The following RNF216 variants were observed in gnomAD, a reference collection of about 807,000 sequenced individuals.
RNF216 encodes E3 ubiquitin-protein ligase RNF216.
In RNF216, 72 loss-of-function variants were observed where a neutral mutation model predicts 110.8. That is an observed-to-expected ratio of 0.65 (90% CI 0.54 to 0.79). RNF216 has a LOEUF of 0.79. Ranked by LOEUF, RNF216 falls within the 30% of genes least tolerant of loss-of-function variation. RNF216 has a pLI of 0.00. For missense variants in RNF216, 1,342 were observed against 1,141.2 expected, an observed-to-expected ratio of 1.18 and a Z score of -2.54; for synonymous variants, 495 against 407.5, an observed-to-expected ratio of 1.21 and a Z score of -2.59.
At chr7:5,688,755 A>C (rs1343023998) in intron 13 of RNF216, among the ~76,000 whole-genome samples, 2 of 152,134 alleles carry the variant, frequency 1.3e-5, no homozygotes, top group East Asian at 1.9e-4. Flanking sequence ...GATATCTGTA[A>C]AACTGTGGGT....
intron 5 of RNF216, 81 bp downstream of exon 5, chr7:5,739,195 T>G: frequency 2.9e-6 from 4 of 1,393,490 alleles, no homozygotes; most frequent in South Asian, 3.3e-5. Flanking sequence ...TATTTAAAAA[T>G]GATTAAAATG....
intron 13 of RNF216, among the ~76,000 whole-genome samples, chr7:5,659,661 T>C (rs2128583721): frequency 6.6e-6 from 1 of 152,346 alleles, no homozygotes; most frequent in South Asian, 2.1e-4. Context: ...CAGCACCCCC[T>C]TTCTAAACTA....
At chr7:5,749,935 A>T (rs1365087894) in intron 3 of RNF216, among the ~76,000 whole-genome samples, 2 of 152,116 alleles carry the variant, frequency 1.3e-5, no homozygotes, top group Non-Finnish European at 2.9e-5. Flanking sequence ...TTTGTTTTCC[A>T]GATTTAAGGA....
chr7:5,684,232 A>C (rs970668108), intron 13 of RNF216, among the ~76,000 whole-genome samples: 1 of 150,560 alleles, frequency 6.6e-6, no homozygotes, highest in Non-Finnish European at 1.5e-5. Context: ...CCTCCGGAGT[A>C]GTTAGGACTA....
At chr7:5,661,549 T>C (rs890414861) in intron 13 of RNF216, among the ~76,000 whole-genome samples, 2 of 152,178 alleles carry the variant, frequency 1.3e-5, no homozygotes, top group Non-Finnish European at 2.9e-5. Flanking sequence ...ACTCTTGTAA[T>C]CCAAGCATTT....
At chr7:5,768,288 T>G (rs566868711) in intron 1 of RNF216, among the ~76,000 whole-genome samples, 1 of 93,044 alleles carries the variant, frequency 1.1e-5, no homozygotes, top group South Asian at 3.2e-4. Context: ...TTGTCGCTAT[T>G]AGGGGGAAAA....
chr7:5,638,538 C>G (rs1562778217), intron 15 of RNF216, among the ~76,000 whole-genome samples: 1 of 152,166 alleles, frequency 6.6e-6, no homozygotes, highest in Non-Finnish European at 1.5e-5. Context: ...AACTACCTAC[C>G]AGCAGCCAGG....
chr7:5,667,506 G>A (rs772216616), intron 13 of RNF216, among the ~76,000 whole-genome samples: 2 of 152,208 alleles, frequency 1.3e-5, no homozygotes, highest in African/African-American at 2.4e-5. Flanking sequence ...GGGAACCAGG[G>A]GAACCCCCCA....
At position 5,624,320 on chromosome 7, in the gene RNF216, G is replaced by A. The variant is rs113358569; in HGVS notation, c.2383-195C>T. Among the ~76,000 whole-genome samples, 919 of 152,346 alleles carry A rather than the reference G, an allele frequency of 6.0e-3. 1 individual carries two copies. Among genetic ancestry groups the A allele is most frequent in the African/African-American group, 0.012 (494 of 41,578 alleles). On this transcript the variant is annotated intron_variant, in intron 15 of 16. Coordinates refer to ENST00000389902, the MANE Select transcript of RNF216 (RefSeq NM_207111.4). This position sits in a 1 kb window ranked among gnomAD's most constrained non-coding sequence, Gnocchi z 4.4. ...CTCCTTCCTTCATCAGCCTGATGGC[G>A]TTCCACAAGGAGGCCATCCACAAGG...
chr7:5,622,954 T>A lies in RNF216; in HGVS notation c.2678A>T (p.Asn893Ile). 1 of 1,613,982 alleles carries A rather than the reference T, an allele frequency of 6.2e-7. No individual in the cohort carries two copies. ...ACCGAAGTCATAGTTGACCCGCACG[T>A]TGGGCAGAGGGGGCACGTACGGGGC... ...IPAPYVPPLPNVRVNYDFGPI... is the reference protein window; with the variant it reads ...IPAPYVPPLPIVRVNYDFGPI... Residue 893 changes from asparagine (N) to isoleucine (I), a missense_variant, in exon 17 of 17, where the codon AAC becomes ATC. Transcript: ENST00000389902.
chr7:5,708,426 G>C (rs991590213), intron 13 of RNF216, among the ~76,000 whole-genome samples: 11 of 152,112 alleles, frequency 7.2e-5, no homozygotes, highest in African/African-American at 2.2e-4. Context: ...ATATACAGAT[G>C]GTCTCCAACT....
chr7:5,771,794 T>A (rs1348415638), intron 1 of RNF216, among the ~76,000 whole-genome samples: 1 of 151,178 alleles, frequency 6.6e-6, no homozygotes, highest in East Asian at 1.9e-4. Flanking sequence ...TGAAACCCTG[T>A]CCCCCCACCA....
chr7:5,775,450 C>T (rs1348808499), intron 1 of RNF216, among the ~76,000 whole-genome samples: 1 of 152,134 alleles, frequency 6.6e-6, no homozygotes, highest in East Asian at 1.9e-4. Flanking sequence ...GATCCTAGGG[C>T]TCTGTAGTGC....
At chr7:5,627,775 CCTT>C (rs1786804922) in intron 15 of RNF216, among the ~76,000 whole-genome samples, 1 of 151,950 alleles carries the variant, frequency 6.6e-6, no homozygotes, top group African/African-American at 2.4e-5. Flanking sequence ...CCACTAACCC[CCTT>C]TTTTCCCTCA....
chr7:5,685,595 G>A (rs1012179625), intron 13 of RNF216, among the ~76,000 whole-genome samples: 1 of 152,144 alleles, frequency 6.6e-6, no homozygotes, highest in Admixed American at 6.5e-5. Context: ...AAGACAAAGC[G>A]GTGAGCTAAA....
intron 15 of RNF216, among the ~76,000 whole-genome samples, chr7:5,634,783 CAT>C (rs1178754959): frequency 2.0e-5 from 3 of 152,234 alleles, no homozygotes; most frequent in Non-Finnish European, 4.4e-5. Context: ...CTGCTGAAGA[CAT>C]GTAGCAACAA....
intron 1 of RNF216, among the ~76,000 whole-genome samples, chr7:5,778,516 A>G (rs182413440): frequency 6.6e-6 from 1 of 152,284 alleles, no homozygotes; most frequent in Admixed American, 6.5e-5. Flanking sequence ...AAGTTCCAAG[A>G]AGGCAGAACC....
chr7:5,745,006 T>G (rs1252464466), intron 3 of RNF216, among the ~76,000 whole-genome samples: 1 of 152,008 alleles, frequency 6.6e-6, no homozygotes, highest in African/African-American at 2.4e-5. Flanking sequence ...ACTTCTAAAC[T>G]TTTTATGAAG....
intron 13 of RNF216, among the ~76,000 whole-genome samples, chr7:5,660,262 A>ATTTT (rs71547786): frequency 4.3e-5 from 2 of 46,208 alleles, no homozygotes; most frequent in Non-Finnish European, 1.1e-4. Context: ...CCTGTTTTAA[A>ATTTT]TTCTTTTTTT....
Sources: gnomAD v4.1 joint callset for allele counts (sites outside exome capture counted in the v4.1 genomes callset) on GRCh38, gnomAD v4.1.1 for gene constraint, Gnocchi (gnomAD v3.1) non-coding constraint, MANE v1.5 for transcripts, NCBI Gene and HGNC (gene_info 2026-07-23, HGNC 2026-07-21) for gene names.